CTNNA3: variants seen among roughly 807,000 people sequenced by gnomAD.
CTNNA3 encodes catenin alpha-3.
A neutral mutation model predicts 95.7 loss-of-function variants in CTNNA3; 76 were observed. That is an observed-to-expected ratio of 0.79 (90% CI 0.66 to 0.96). The LOEUF (loss-of-function observed/expected upper bound fraction) is 0.96. CTNNA3 is among the 40% of genes least tolerant of loss of function. CTNNA3 has a pLI of 0.00. For synonymous variants in CTNNA3, 431 were observed against 374.4 expected, an observed-to-expected ratio of 1.15 and a Z score of -1.74; for missense variants, 1,191 against 1,089.8, an observed-to-expected ratio of 1.09 and a Z score of -1.31.
chr10:66,312,206 CACTT>C (rs1304804202), intron 12 of CTNNA3, among the ~76,000 whole-genome samples: 1 of 152,142 alleles, frequency 6.6e-6, no homozygotes, highest in Non-Finnish European at 1.5e-5. Flanking sequence ...TCTCCTGACT[CACTT>C]GCTTGTGTGG....
chr10:67,762,728 C>T (rs1271423201), intron 1 of CTNNA3, among the ~76,000 whole-genome samples: 2 of 152,158 alleles, frequency 1.3e-5, no homozygotes, highest in African/African-American at 4.8e-5. Flanking sequence ...AAATGAAATC[C>T]ACAGGCAGAC....
intron 5 of CTNNA3, among the ~76,000 whole-genome samples, chr10:67,514,620 A>G (rs978464839): frequency 6.6e-6 from 1 of 152,074 alleles, no homozygotes. Context: ...AGGTATGTCA[A>G]TATAAGACAT....
At chr10:67,075,684 C>T (rs182879032) in intron 7 of CTNNA3, among the ~76,000 whole-genome samples, 2 of 152,288 alleles carry the variant, frequency 1.3e-5, no homozygotes, top group East Asian at 3.9e-4. Context: ...CGTAAGTGCC[C>T]ACTACTATTA....
chr10:66,337,222 A>G (rs2092406895), intron 12 of CTNNA3, among the ~76,000 whole-genome samples: 1 of 152,166 alleles, frequency 6.6e-6, no homozygotes, highest in Non-Finnish European at 1.5e-5. Context: ...TACAGAAAAT[A>G]TCAATAAATT....
At chr10:67,089,580 T>G (rs529241634) in intron 7 of CTNNA3, among the ~76,000 whole-genome samples, 1 of 152,010 alleles carries the variant, frequency 6.6e-6, no homozygotes, top group African/African-American at 2.4e-5. Flanking sequence ...CTCAGCAATA[T>G]GGACTCTTGC....
intron 5 of CTNNA3, among the ~76,000 whole-genome samples, chr10:67,309,500 A>G (rs1229368212): frequency 1.3e-5 from 2 of 152,138 alleles, no homozygotes; most frequent in Non-Finnish European, 2.9e-5. Flanking sequence ...GAGACAATAG[A>G]AGAGGCACAA....
chr10:67,521,976 A>G lies in CTNNA3; in HGVS notation c.460-15T>C, dbSNP rs370797511. 5.0e-6 allele frequency: 8 copies of G among 1,606,454 alleles called. No homozygotes were observed. The highest frequency in any genetic ancestry group is 6.0e-6 in the Non-Finnish European group (7 of 1,175,492). On this transcript the variant is annotated splice_polypyrimidine_tract_variant and intron_variant, in intron 4 of 17. Coordinates refer to ENST00000433211, the MANE Select transcript of CTNNA3 (RefSeq NM_013266.4). ...GTCCTTTGAAACTGAAATTGAAAAC[A>G]AAAGTAGATCATTAGGATAGCAGCA...
intron 7 of CTNNA3, among the ~76,000 whole-genome samples, chr10:66,934,378 C>A (rs1363652639): frequency 6.6e-6 from 1 of 151,976 alleles, no homozygotes; most frequent in Non-Finnish European, 1.5e-5. Flanking sequence ...TCCTATATCA[C>A]CAAAAAATGT....
At chr10:66,280,652 T>C in intron 12 of CTNNA3, 31 bp from the exon 13 acceptor site, 1 of 1,556,450 alleles carries the variant, frequency 6.4e-7, no homozygotes. Context: ...GAGAAGATTG[T>C]CCTCTTTGTA....
intron 9 of CTNNA3, among the ~76,000 whole-genome samples, chr10:66,723,423 C>T (rs1332956152): frequency 6.6e-6 from 1 of 152,134 alleles, no homozygotes; most frequent in Non-Finnish European, 1.5e-5. Context: ...AAATTGTACC[C>T]TTGTGCACAC....
chr10:65,936,526 T>G lies in CTNNA3; in HGVS notation c.2401-15909A>C, dbSNP rs563570257. On this transcript the variant is annotated intron_variant, in intron 17 of 17. Transcript: ENST00000433211. The stretch of plus-strand genomic sequence containing the variant: ...ACAACTCCAATGAACATTCATACGC[T>G]GAAGAATTCCACATCTTCAGCTCTG... Among the ~76,000 whole-genome samples, 17 of 152,218 alleles carry G rather than the reference T, an allele frequency of 1.1e-4. No homozygotes were observed. In the East Asian group the frequency reaches 2.9e-3, roughly 26 times the overall value.
At chr10:67,636,316 C>G (rs545272542) in intron 2 of CTNNA3, among the ~76,000 whole-genome samples, 1 of 152,184 alleles carries the variant, frequency 6.6e-6, no homozygotes, top group East Asian at 1.9e-4. Flanking sequence ...AGAAAAAAAA[C>G]TATTTTAAAA....
intron 3 of CTNNA3, among the ~76,000 whole-genome samples, chr10:67,542,205 C>G (rs965362910): frequency 2.0e-5 from 3 of 152,104 alleles, no homozygotes; most frequent in Admixed American, 1.3e-4. Context: ...CCCTTTTCAG[C>G]TGGTTTCAGC....
At chr10:66,431,040 C>T (rs2093290389) in intron 11 of CTNNA3, among the ~76,000 whole-genome samples, 1 of 145,038 alleles carries the variant, frequency 6.9e-6, no homozygotes, top group Non-Finnish European at 1.5e-5. Flanking sequence ...CCACAAAGAA[C>T]TCAAATTTAC....
At chr10:66,476,235 G>A (rs1362901857) in intron 11 of CTNNA3, among the ~76,000 whole-genome samples, 1 of 151,916 alleles carries the variant, frequency 6.6e-6, no homozygotes, top group Non-Finnish European at 1.5e-5. Flanking sequence ...TGGGGAGGGA[G>A]AGCATCAGAA....
intron 9 of CTNNA3, among the ~76,000 whole-genome samples, chr10:66,763,100 A>G (rs1376464297): frequency 6.6e-6 from 1 of 152,028 alleles, no homozygotes; most frequent in Non-Finnish European, 1.5e-5. Context: ...GGATTGGTAA[A>G]TAGTCTATAC....
intron 10 of CTNNA3, among the ~76,000 whole-genome samples, chr10:66,545,315 A>G (rs1306478423): frequency 6.6e-6 from 1 of 152,084 alleles, no homozygotes; most frequent in Non-Finnish European, 1.5e-5. Context: ...GAAATTTACA[A>G]AAACAGCAGC....
intron 13 of CTNNA3, among the ~76,000 whole-genome samples, chr10:66,145,790 T>C (rs932132898): frequency 5.9e-5 from 9 of 152,158 alleles, no homozygotes; most frequent in South Asian, 2.1e-4. Flanking sequence ...TAGATACACA[T>C]AGAGATGCAG....
At chr10:66,845,727 A>AAAC (rs1843240898) in intron 7 of CTNNA3, among the ~76,000 whole-genome samples, 2 of 94,128 alleles carry the variant, frequency 2.1e-5, no homozygotes, top group African/African-American at 7.6e-5. Flanking sequence ...AAAAAAAAAA[A>AAAC]AACTAAAAAG....
Sources: gnomAD v4.1 joint callset for allele counts (sites outside exome capture counted in the v4.1 genomes callset) on GRCh38, gnomAD v4.1.1 for gene constraint, MANE v1.5 for transcripts, NCBI Gene and HGNC (gene_info 2026-07-23, HGNC 2026-07-21) for gene names.